CTNNA3: variants seen among roughly 807,000 people sequenced by gnomAD.
CTNNA3 encodes catenin alpha-3.
CTNNA3 carries 76 observed loss-of-function variants against 95.7 expected under a neutral mutation model. The ratio of observed to expected loss-of-function variants is 0.79; its 90% confidence interval spans 0.66 to 0.96. The LOEUF (loss-of-function observed/expected upper bound fraction) is 0.96, where lower values mean the gene tolerates loss of function less well. CTNNA3 is among the 40% of genes least tolerant of loss of function. The probability of loss-of-function intolerance (pLI) is 0.00; values close to 1 mark genes in which losing one functional copy is unlikely to be tolerated. For missense variants in CTNNA3, 1,191 were observed against 1,089.8 expected (o/e 1.09, Z -1.31); for synonymous variants, 431 against 374.4 (o/e 1.15, Z -1.74).
chr10:65,926,027 T>C (rs1014559561), intron 17 of CTNNA3, among the ~76,000 whole-genome samples: 3 of 149,938 alleles, frequency 2.0e-5, no homozygotes, highest in Non-Finnish European at 4.4e-5. Flanking sequence ...ATGTAATGTA[T>C]GCTAGATGTA....
chr10:67,163,016 T>C (rs756840905), intron 7 of CTNNA3, among the ~76,000 whole-genome samples: 5 of 151,906 alleles, frequency 3.3e-5, no homozygotes, highest in Non-Finnish European at 7.4e-5. Context: ...AAAAGAAATC[T>C]CCATCCCCAG....
At chr10:67,614,172 A>G (rs927727547) in intron 2 of CTNNA3, among the ~76,000 whole-genome samples, 2 of 152,052 alleles carry the variant, frequency 1.3e-5, no homozygotes, top group Non-Finnish European at 2.9e-5. Context: ...CATTTTACAG[A>G]GCGCTGATTG....
chr10:66,450,060 A>T (rs2093452623), intron 11 of CTNNA3, among the ~76,000 whole-genome samples: 1 of 152,062 alleles, frequency 6.6e-6, no homozygotes, highest in South Asian at 2.1e-4. Context: ...CTGACCTTCA[A>T]AAAGTGAAAT....
intron 11 of CTNNA3, among the ~76,000 whole-genome samples, chr10:66,405,101 A>C (rs1435922207): frequency 6.6e-6 from 1 of 152,192 alleles, no homozygotes; most frequent in African/African-American, 2.4e-5. Flanking sequence ...AGTATGATCA[A>C]TCAGAGTTTA....
intron 5 of CTNNA3, among the ~76,000 whole-genome samples, chr10:67,429,055 A>T (rs1323976857): frequency 6.6e-6 from 1 of 151,940 alleles, no homozygotes; most frequent in Non-Finnish European, 1.5e-5. Context: ...CAAATAATAT[A>T]CTTCTTCCAG....
intron 13 of CTNNA3, among the ~76,000 whole-genome samples, chr10:66,131,888 T>C (rs7899036): frequency 3.9e-5 from 6 of 152,152 alleles, no homozygotes; most frequent in Non-Finnish European, 5.9e-5. Flanking sequence ...TTACACAGTA[T>C]ACAAATATCA....
At chr10:66,895,914 C>CAAAAAA (rs869248195) in intron 7 of CTNNA3, among the ~76,000 whole-genome samples, 1 of 80,194 alleles carries the variant, frequency 1.2e-5, no homozygotes, top group African/African-American at 5.3e-5. Context: ...CCTGTCTCTA[C>CAAAAAA]AAAAAAAAAA....
intron 11 of CTNNA3, among the ~76,000 whole-genome samples, chr10:66,487,564 G>A (rs144988071): frequency 1.3e-5 from 2 of 152,078 alleles, no homozygotes; most frequent in African/African-American, 4.8e-5. Context: ...CTCCCCAGCC[G>A]CCTGGCCCAA....
intron 7 of CTNNA3, among the ~76,000 whole-genome samples, chr10:66,960,243 A>G (rs1849041973): frequency 6.6e-6 from 1 of 152,154 alleles, no homozygotes; most frequent in African/African-American, 2.4e-5. Flanking sequence ...GTTCATTTTT[A>G]GTTTAATTAC....
chr10:67,732,715 TA>T lies in CTNNA3; in HGVS notation c.-2+30718del, dbSNP rs575954428. Among the ~76,000 whole-genome samples, 453 of 152,330 alleles carry T rather than the reference TA, an allele frequency of 3.0e-3. 4 individuals carry two copies. Among genetic ancestry groups the T allele is most frequent in the African/African-American group, 0.01 (429 of 41,580 alleles). On this transcript the variant is annotated intron_variant, in intron 1 of 17. Coordinates refer to the CTNNA3 transcript ENST00000684154. Reference sequence around the variant, plus strand: ...GTATGAAATTAGATAAAATGTCTTCTAACTTATTATTTCTCTCACAACATTA... The same window carrying T: ...GTATGAAATTAGATAAAATGTCTTCTACTTATTATTTCTCTCACAACATTA...
chr10:67,514,924 C>G (rs1413665318), intron 5 of CTNNA3, among the ~76,000 whole-genome samples: 2 of 152,154 alleles, frequency 1.3e-5, no homozygotes. Flanking sequence ...TAACGCTTGA[C>G]TCAACAGCTT....
At chr10:66,900,927 G>T (rs1353968775) in intron 7 of CTNNA3, among the ~76,000 whole-genome samples, 1 of 152,202 alleles carries the variant, frequency 6.6e-6, no homozygotes, top group Non-Finnish European at 1.5e-5. Flanking sequence ...GTGACACGGA[G>T]AATGGAACCA....
intron 7 of CTNNA3, among the ~76,000 whole-genome samples, chr10:66,881,061 A>G (rs1844831356): frequency 6.6e-6 from 1 of 152,132 alleles, no homozygotes; most frequent in South Asian, 2.1e-4. Flanking sequence ...GTCAGACACT[A>G]TCAGGCAGCA....
At chr10:66,424,568 T>C (rs2093352519) in intron 11 of CTNNA3, among the ~76,000 whole-genome samples, 1 of 152,140 alleles carries the variant, frequency 6.6e-6, no homozygotes, top group Admixed American at 6.6e-5. Context: ...TATTTATAAA[T>C]AAATTTGTTT....
At chr10:66,807,422 T>G (rs762000914) in intron 7 of CTNNA3, among the ~76,000 whole-genome samples, 1 of 152,122 alleles carries the variant, frequency 6.6e-6, no homozygotes, top group Non-Finnish European at 1.5e-5. Context: ...CAACCTCAGC[T>G]AACCAACCCA....
intron 5 of CTNNA3, among the ~76,000 whole-genome samples, chr10:67,420,188 A>G (rs905063825): frequency 1.3e-5 from 2 of 152,230 alleles, no homozygotes; most frequent in African/African-American, 4.8e-5. Flanking sequence ...TGAAAAAAAC[A>G]TTTAAATCTA....
intron 5 of CTNNA3, among the ~76,000 whole-genome samples, chr10:67,501,361 G>A (rs1235540599): frequency 1.3e-5 from 2 of 152,170 alleles, no homozygotes; most frequent in East Asian, 3.9e-4. Flanking sequence ...TCCCTTTGCG[G>A]GTAACCCGAC....
intron 3 of CTNNA3, among the ~76,000 whole-genome samples, chr10:67,590,985 T>TA (rs1040428927): frequency 8.6e-5 from 13 of 151,398 alleles, no homozygotes; most frequent in South Asian, 4.2e-4. Context: ...TCCCAAAGCG[T>TA]AAAAAAAAAC....
chr10:66,758,761 C>A, intron 9 of CTNNA3, among the ~76,000 whole-genome samples: 1 of 152,062 alleles, frequency 6.6e-6, no homozygotes, highest in African/African-American at 2.4e-5. Context: ...ATAGTGAAAC[C>A]TCATCTCTAC....
Sources: gnomAD v4.1 joint callset for allele counts (sites outside exome capture counted in the v4.1 genomes callset) on GRCh38, gnomAD v4.1.1 for gene constraint, MANE v1.5 for transcripts, NCBI Gene and HGNC (gene_info 2026-07-23, HGNC 2026-07-21) for gene names.